MAP7D2: variants seen among roughly 807,000 people sequenced by gnomAD.
MAP7D2 encodes the protein MAP7 domain-containing protein 2.
In MAP7D2, 33 loss-of-function variants were observed where a neutral mutation model predicts 63.5. The ratio of observed to expected loss-of-function variants is 0.52; its 90% CI spans 0.39 to 0.70. The LOEUF is 0.70. Among genes scored for constraint, MAP7D2 ranks in the 30% least tolerant of loss-of-function variants. The probability of loss-of-function intolerance (pLI) is 0.00; values close to 1 mark genes in which losing one functional copy is unlikely to be tolerated. For synonymous variants in MAP7D2, 224 were observed against 223.7 expected (o/e 1.00, Z -0.01); for missense variants, 626 against 604.0 (o/e 1.04, Z -0.38).
intron 6 of MAP7D2, among the ~76,000 whole-genome samples, chrX:20,048,037 A>C (rs1277570410): frequency 9.0e-6 from 1 of 110,994 alleles, no homozygotes; most frequent in Non-Finnish European, 1.9e-5. Flanking sequence ...GCCAAGGGTC[A>C]AGTGGGTGAG....
intron 1 of MAP7D2, among the ~76,000 whole-genome samples, chrX:20,100,069 G>A (rs1162237934): frequency 8.9e-6 from 1 of 112,104 alleles, no homozygotes; most frequent in Non-Finnish European, 1.9e-5. Flanking sequence ...CTGCTTCCCT[G>A]CTCTGCTGAA....
At chrX:20,051,650 C>T (rs1446729243) in intron 5 of MAP7D2, among the ~76,000 whole-genome samples, 3 of 111,718 alleles carry the variant, frequency 2.7e-5, no homozygotes, top group Non-Finnish European at 5.6e-5. Context: ...TTAGGTCCTG[C>T]GCTAAGAAGC....
At chrX:20,069,409 T>C (rs1410006246) in intron 1 of MAP7D2, among the ~76,000 whole-genome samples, 2 of 111,039 alleles carry the variant, frequency 1.8e-5, no homozygotes, top group African/African-American at 6.6e-5. Flanking sequence ...GGTCTCCCTA[T>C]GTTGCCCAGG....
intron 4 of MAP7D2, among the ~76,000 whole-genome samples, chrX:20,054,586 T>C (rs1244891097): frequency 9.1e-6 from 1 of 110,494 alleles, no homozygotes; most frequent in African/African-American, 3.3e-5. Context: ...TCTGCACCTT[T>C]CTTTTTTCTT....
At chrX:20,070,268 ATTTAT>A (rs2065470359) in intron 1 of MAP7D2, among the ~76,000 whole-genome samples, 1 of 90,249 alleles carries the variant, frequency 1.1e-5, no homozygotes, top group Non-Finnish European at 2.0e-5. Context: ...TTTCTTATTT[ATTTAT>A]TTATTTATTT....
chrX:20,017,439 CAA>C, intron 10 of MAP7D2, among the ~76,000 whole-genome samples: 2 of 112,245 alleles, frequency 1.8e-5, no homozygotes, highest in Admixed American at 1.9e-4. Flanking sequence ...ATAAAAAGGT[CAA>C]GACTTAAAAA....
intron 4 of MAP7D2, among the ~76,000 whole-genome samples, chrX:20,056,129 G>C (rs1252963699): frequency 9.0e-6 from 1 of 111,558 alleles, no homozygotes; most frequent in Non-Finnish European, 1.9e-5. Flanking sequence ...AGAAGGAAAA[G>C]CCATCCAGAG....
chrX:20,104,697 C>T (rs1263697752), intron 1 of MAP7D2, among the ~76,000 whole-genome samples: 2 of 112,079 alleles, frequency 1.8e-5, no homozygotes, highest in Non-Finnish European at 3.8e-5. Flanking sequence ...ATGATCAATG[C>T]TAAATTTTAT....
intron 8 of MAP7D2, among the ~76,000 whole-genome samples, chrX:20,037,383 C>T (rs183783716): frequency 1.1e-4 from 12 of 111,741 alleles, no homozygotes; most frequent in Non-Finnish European, 1.9e-4. Flanking sequence ...GCCCTGTCAC[C>T]CTGCCTTCTC....
intron 6 of MAP7D2, among the ~76,000 whole-genome samples, chrX:20,044,832 A>G (rs1163657671): frequency 9.0e-6 from 1 of 111,241 alleles, no homozygotes; most frequent in Non-Finnish European, 1.9e-5. Flanking sequence ...CCTTGTGCAC[A>G]AAAGGGTTAA....
chrX:20,091,103 A>G (rs1325864408), intron 1 of MAP7D2, among the ~76,000 whole-genome samples: 2 of 97,488 alleles, frequency 2.1e-5, no homozygotes, highest in Admixed American at 2.3e-4. Flanking sequence ...CCCAGGCTGG[A>G]GTGCAGTGGC....
intron 8 of MAP7D2, among the ~76,000 whole-genome samples, chrX:20,029,848 A>G (rs750261007): frequency 2.7e-5 from 3 of 110,528 alleles, no homozygotes; most frequent in Non-Finnish European, 3.8e-5. Context: ...GAAGTTCCCA[A>G]TGTTATCTAC....
chrX:20,042,734 T>TC (rs2064692796), intron 7 of MAP7D2, 105 bp from the exon 8 acceptor site: 1 of 999,804 alleles, frequency 1.0e-6, no homozygotes, highest in African/African-American at 1.9e-5. Context: ...TTCAGAGGGA[T>TC]CGATATGAAG....
intron 8 of MAP7D2, among the ~76,000 whole-genome samples, chrX:20,036,741 G>T (rs1280697987): frequency 9.7e-6 from 1 of 103,073 alleles, no homozygotes; most frequent in African/African-American, 3.5e-5. Flanking sequence ...CCATCTCTAC[G>T]AAACATACAA....
intron 8 of MAP7D2, among the ~76,000 whole-genome samples, chrX:20,031,924 C>T (rs958187388): frequency 1.8e-5 from 2 of 111,750 alleles, no homozygotes; most frequent in African/African-American, 3.3e-5. Flanking sequence ...AAGTTACTCT[C>T]AAACGGTTCT....
intron 1 of MAP7D2, among the ~76,000 whole-genome samples, chrX:20,066,979 T>C (rs947043612): frequency 9.8e-5 from 11 of 112,590 alleles, no homozygotes; most frequent in African/African-American, 3.5e-4. Flanking sequence ...GGAACAAGCA[T>C]AGAAAATCAA....
chrX:20,099,781 C>A (rs760205751), intron 1 of MAP7D2, among the ~76,000 whole-genome samples: 1 of 112,274 alleles, frequency 8.9e-6, no homozygotes, highest in Admixed American at 9.4e-5. Flanking sequence ...AGATCAGACT[C>A]CCCAGTAGCC....
chrX:20,043,310 A>G (rs2064711201), intron 7 of MAP7D2, among the ~76,000 whole-genome samples: 1 of 112,753 alleles, frequency 8.9e-6, no homozygotes, highest in African/African-American at 3.2e-5. Flanking sequence ...AAAATGAAGT[A>G]GTTTTGAAAT....
At chrX:20,045,668 T>C (rs1333738619) in intron 6 of MAP7D2, among the ~76,000 whole-genome samples, 1 of 110,360 alleles carries the variant, frequency 9.1e-6, no homozygotes, top group Non-Finnish European at 1.9e-5. Context: ...ACAACTAGTG[T>C]CAGAAATGGG....
Sources: gnomAD v4.1 joint callset for allele counts (sites outside exome capture counted in the v4.1 genomes callset) on GRCh38, gnomAD v4.1.1 for gene constraint, MANE v1.5 for transcripts, NCBI Gene and HGNC (gene_info 2026-07-23, HGNC 2026-07-21) for gene names.